The following ULK4 variants were observed in gnomAD, a reference collection of about 807,000 sequenced individuals.
ULK4 encodes unc-51 like kinase 4.
Under a neutral mutation model 160.6 loss-of-function variants are expected in ULK4, and 133 were observed. That is an observed-to-expected ratio of 0.83 (90% CI 0.72 to 0.96). ULK4 has a LOEUF of 0.96. Ranked by LOEUF, ULK4 falls within the 40% of genes least tolerant of loss-of-function variation. The pLI is 0.00. For missense variants in ULK4, 1,580 were observed against 1,499.5 expected, an observed-to-expected ratio of 1.05 and a Z score of -0.89; for synonymous variants, 534 against 539.8, an observed-to-expected ratio of 0.99 and a Z score of 0.15.
chr3:41,433,960 G>C (rs1022063754), intron 34 of ULK4, among the ~76,000 whole-genome samples: 9 of 152,234 alleles, frequency 5.9e-5, no homozygotes, highest in African/African-American at 2.2e-4. Context: ...CTGACCTCGT[G>C]ATCCGCCCGC....
intron 35 of ULK4, among the ~76,000 whole-genome samples, chr3:41,349,572 C>T (rs2080869812): frequency 6.6e-6 from 1 of 152,104 alleles, no homozygotes; most frequent in South Asian, 2.1e-4. Flanking sequence ...TTAGGAGTAG[C>T]AGTGGTAGCA....
rs1044941930 is a variant in ULK4 at position 41,911,477 on chromosome 3, C to A, written c.1015+64G>T. On this transcript the variant is annotated intron_variant, in intron 10 of 36. Coordinates refer to ENST00000301831, the MANE Select transcript of ULK4 (RefSeq NM_017886.4). ...CACAAAGATTTAAAGGGACATAACA[C>A]TGAAATTAGGAACTCTCTCAAACAA... 8 of 1,587,956 alleles carry A rather than the reference C, an allele frequency of 5.0e-6. No individual in the cohort carries two copies. In the African/African-American group the frequency reaches 1.1e-4, roughly 21 times the overall value.
intron 21 of ULK4, among the ~76,000 whole-genome samples, chr3:41,787,588 C>G (rs1395257984): frequency 6.6e-6 from 1 of 152,148 alleles, no homozygotes; most frequent in Non-Finnish European, 1.5e-5. Flanking sequence ...CACCACCACC[C>G]AAAATGTTTT....
chr3:41,456,795 T>C (rs1476597485), intron 33 of ULK4, among the ~76,000 whole-genome samples: 2 of 152,218 alleles, frequency 1.3e-5, no homozygotes, highest in African/African-American at 4.8e-5. Flanking sequence ...TGCCCTGCCT[T>C]AAGTCATTAA....
intron 32 of ULK4, among the ~76,000 whole-genome samples, chr3:41,533,034 A>T (rs1330501078): frequency 6.6e-6 from 1 of 152,224 alleles, no homozygotes; most frequent in African/African-American, 2.4e-5. Context: ...GGCCGTCTTC[A>T]AATACTGCCA....
At chr3:41,606,423 C>T (rs978782204) in intron 31 of ULK4, among the ~76,000 whole-genome samples, 1 of 151,898 alleles carries the variant, frequency 6.6e-6, no homozygotes, top group Non-Finnish European at 1.5e-5. Flanking sequence ...AACGGGGTTG[C>T]AATAAACAAA....
intron 35 of ULK4, among the ~76,000 whole-genome samples, chr3:41,392,023 A>C (rs145066872): frequency 6.6e-6 from 1 of 152,072 alleles, no homozygotes; most frequent in African/African-American, 2.4e-5. Flanking sequence ...GCACAGAACA[A>C]ATCTGTGGTG....
chr3:41,918,152 G>T (rs1236560319), intron 7 of ULK4, among the ~76,000 whole-genome samples: 1 of 152,054 alleles, frequency 6.6e-6, no homozygotes, highest in Non-Finnish European at 1.5e-5. Flanking sequence ...TAAGTAAATG[G>T]TACATACAAA....
At chr3:41,624,432 C>T (rs1322127464) in intron 30 of ULK4, among the ~76,000 whole-genome samples, 1 of 152,086 alleles carries the variant, frequency 6.6e-6, no homozygotes, top group Non-Finnish European at 1.5e-5. Context: ...CTATATTCTA[C>T]TAAGGCATAA....
chr3:41,789,942 C>T (rs1283365554), intron 20 of ULK4, 99 bp from the exon 21 acceptor site: 10 of 1,098,442 alleles, frequency 9.1e-6, no homozygotes, highest in Non-Finnish European at 1.2e-5. Context: ...GTAGAAGGTG[C>T]TTACTTGGCT....
At chr3:41,692,015 G>A (rs775312193) in intron 27 of ULK4, among the ~76,000 whole-genome samples, 3 of 137,844 alleles carry the variant, frequency 2.2e-5, no homozygotes, top group African/African-American at 5.6e-5. Flanking sequence ...GCAGTAGTGC[G>A]ATCTCAGCTC....
At chr3:41,835,627 CA>C (rs1449419062) in intron 18 of ULK4, among the ~76,000 whole-genome samples, 2 of 152,092 alleles carry the variant, frequency 1.3e-5, no homozygotes, top group Non-Finnish European at 2.9e-5. Flanking sequence ...GCCTTCAAAC[CA>C]CCTACATTCT....
intron 35 of ULK4, among the ~76,000 whole-genome samples, chr3:41,269,849 T>C (rs771162868): frequency 4.6e-5 from 7 of 152,196 alleles, no homozygotes; most frequent in Non-Finnish European, 1.0e-4. Context: ...AAAGAGATGC[T>C]GGGGAAAATC....
intron 17 of ULK4, among the ~76,000 whole-genome samples, chr3:41,867,471 A>C (rs972502500): frequency 7.2e-5 from 11 of 152,166 alleles, no homozygotes; most frequent in African/African-American, 2.2e-4. Flanking sequence ...TCACAGATTT[A>C]AGCGATTCTC....
chr3:41,403,148 T>C (rs1224227013), intron 34 of ULK4, among the ~76,000 whole-genome samples: 1 of 142,802 alleles, frequency 7.0e-6, no homozygotes, highest in Non-Finnish European at 1.5e-5. Context: ...GAAAACTCCG[T>C]CTCAAAAAAA....
chr3:41,304,588 G>C (rs528988669), intron 35 of ULK4, among the ~76,000 whole-genome samples: 2 of 152,168 alleles, frequency 1.3e-5, no homozygotes, highest in Non-Finnish European at 2.9e-5. Flanking sequence ...TCATAATTCT[G>C]AGGGGGGCTG....
intron 27 of ULK4, among the ~76,000 whole-genome samples, chr3:41,692,194 G>A (rs1030413115): frequency 2.0e-5 from 3 of 149,884 alleles, no homozygotes; most frequent in Admixed American, 6.7e-5. Context: ...CTCGTGATCT[G>A]CCCGCCTCGG....
At chr3:41,555,589 C>G (rs1180883796) in intron 32 of ULK4, among the ~76,000 whole-genome samples, 2 of 152,174 alleles carry the variant, frequency 1.3e-5, no homozygotes, top group Admixed American at 6.5e-5. Flanking sequence ...TAAATGAATT[C>G]AGCCATTGTG....
chr3:41,288,804 T>C (rs1024361126), intron 35 of ULK4, among the ~76,000 whole-genome samples: 4 of 152,222 alleles, frequency 2.6e-5, no homozygotes, highest in Admixed American at 2.6e-4. Flanking sequence ...CTCAAGGACC[T>C]GCCCAGTGGC....
Sources: gnomAD v4.1 joint callset for allele counts (sites outside exome capture counted in the v4.1 genomes callset) on GRCh38, gnomAD v4.1.1 for gene constraint, MANE v1.5 for transcripts, NCBI Gene and HGNC (gene_info 2026-07-23, HGNC 2026-07-21) for gene names.